Variants in PAK5 observed in about 807,000 individuals in gnomAD.
PAK5 encodes p21 (RAC1) activated kinase 5, also known as serine/threonine-protein kinase PAK 5.
PAK5 carries 16 observed loss-of-function variants against 65.9 expected under a neutral mutation model. The observed-to-expected ratio is 0.24, with a 90% CI of 0.16 to 0.37. PAK5 has a LOEUF of 0.37. PAK5 is among the 10% of genes least tolerant of loss of function. The pLI is 1.00. For missense variants in PAK5, 785 were observed against 903.9 expected (o/e 0.87, Z 1.69); for synonymous variants, 371 against 354.9 (o/e 1.05, Z -0.51).
intron 2 of PAK5, among the ~76,000 whole-genome samples, chr20:9,657,697 G>A (rs1422515849): frequency 3.9e-5 from 6 of 152,242 alleles, no homozygotes; most frequent in Non-Finnish European, 7.4e-5. Flanking sequence ...AGGCCTACTC[G>A]TGATACAGAT....
At chr20:9,669,524 T>C (rs1439558307) in intron 2 of PAK5, among the ~76,000 whole-genome samples, 2 of 152,136 alleles carry the variant, frequency 1.3e-5, no homozygotes, top group Non-Finnish European at 2.9e-5. Flanking sequence ...TTTGAGGTTT[T>C]TGTAGGAAAG....
intron 3 of PAK5, among the ~76,000 whole-genome samples, chr20:9,587,362 A>G (rs2046088640): frequency 6.6e-6 from 1 of 152,214 alleles, no homozygotes; most frequent in Non-Finnish European, 1.5e-5. Flanking sequence ...TACAATTGTT[A>G]CATAAATATT....
At chr20:9,708,740 C>G (rs143514078) in intron 2 of PAK5, among the ~76,000 whole-genome samples, 1 of 152,118 alleles carries the variant, frequency 6.6e-6, no homozygotes, top group African/African-American at 2.4e-5. Flanking sequence ...GGAGTCGACA[C>G]TCCACACCTC....
intron 1 of PAK5, among the ~76,000 whole-genome samples, chr20:9,817,576 G>GA (rs899623995): frequency 1.3e-5 from 2 of 152,116 alleles, no homozygotes; most frequent in African/African-American, 2.4e-5. Context: ...TTCAGATGGT[G>GA]AAAAAAATAT....
chr20:9,813,235 A>G (rs2123758684), intron 1 of PAK5, among the ~76,000 whole-genome samples: 1 of 152,286 alleles, frequency 6.6e-6, no homozygotes, highest in Non-Finnish European at 1.5e-5. Context: ...GAGATATAGG[A>G]GCTACGGGAA....
At chr20:9,742,086 C>T (rs981310149) in intron 1 of PAK5, among the ~76,000 whole-genome samples, 2 of 152,212 alleles carry the variant, frequency 1.3e-5, no homozygotes, top group Non-Finnish European at 1.5e-5. Context: ...AGGTCATGTG[C>T]TATCCAACCC....
intron 1 of PAK5, among the ~76,000 whole-genome samples, chr20:9,763,900 G>A (rs147830665): frequency 5.5e-4 from 84 of 152,082 alleles, no homozygotes; most frequent in African/African-American, 1.8e-3. Flanking sequence ...AAATATATGC[G>A]TATCCTTTTT....
intron 1 of PAK5, among the ~76,000 whole-genome samples, chr20:9,792,555 A>G (rs1421909739): frequency 6.6e-6 from 1 of 152,210 alleles, no homozygotes; most frequent in Non-Finnish European, 1.5e-5. Flanking sequence ...ACAGTAACTT[A>G]TGGCAGACAC....
intron 3 of PAK5, among the ~76,000 whole-genome samples, chr20:9,596,495 G>C (rs1477145529): frequency 6.6e-6 from 1 of 151,940 alleles, no homozygotes; most frequent in Non-Finnish European, 1.5e-5. Flanking sequence ...AATTAGCCGG[G>C]CGTGGTGGTG....
intron 1 of PAK5, among the ~76,000 whole-genome samples, chr20:9,805,422 C>T (rs183637252): frequency 1.8e-4 from 27 of 152,164 alleles, no homozygotes; most frequent in Non-Finnish European, 3.4e-4. Flanking sequence ...TTATACAAAG[C>T]GGTCATAGAA....
intron 1 of PAK5, among the ~76,000 whole-genome samples, chr20:9,808,348 G>A (rs1453768948): frequency 2.6e-5 from 4 of 152,194 alleles, no homozygotes; most frequent in East Asian, 3.9e-4. Context: ...CAGTTTGGCC[G>A]TTCCTCAACT....
At chr20:9,623,459 T>C (rs2046799429) in intron 3 of PAK5, among the ~76,000 whole-genome samples, 1 of 151,896 alleles carries the variant, frequency 6.6e-6, no homozygotes, top group Non-Finnish European at 1.5e-5. Context: ...AGGGAAGAAA[T>C]GAAATCAAGT....
chr20:9,547,192 C>T (rs1163331088), intron 7 of PAK5, among the ~76,000 whole-genome samples: 2 of 152,092 alleles, frequency 1.3e-5, no homozygotes, highest in African/African-American at 4.8e-5. Flanking sequence ...GCCACAACCA[C>T]CAGAAACCAG....
At chr20:9,669,278 T>C (rs2047460920) in intron 2 of PAK5, among the ~76,000 whole-genome samples, 1 of 152,166 alleles carries the variant, frequency 6.6e-6, no homozygotes, top group South Asian at 2.1e-4. Context: ...ATATATTTAC[T>C]TGCTAGTTTT....
intron 1 of PAK5, among the ~76,000 whole-genome samples, chr20:9,722,775 C>G (rs1411832548): frequency 6.6e-6 from 1 of 151,070 alleles, no homozygotes; most frequent in Non-Finnish European, 1.5e-5. Context: ...CTTGCTCTAT[C>G]GCCCAGGCTG....
chr20:9,687,184 C>T (rs767128633), intron 2 of PAK5, among the ~76,000 whole-genome samples: 13 of 152,272 alleles, frequency 8.5e-5, no homozygotes, highest in Non-Finnish European at 1.8e-4. Context: ...CAAGGCTGCC[C>T]ATACTGGCAG....
At chr20:9,594,069 A>G (rs2046222425) in intron 3 of PAK5, among the ~76,000 whole-genome samples, 1 of 152,192 alleles carries the variant, frequency 6.6e-6, no homozygotes, top group South Asian at 2.1e-4. Flanking sequence ...TTCCCAGACC[A>G]ATTACATCTC....
At chr20:9,556,865 T>G (rs2045515485) in intron 7 of PAK5, among the ~76,000 whole-genome samples, 1 of 152,152 alleles carries the variant, frequency 6.6e-6, no homozygotes, top group Admixed American at 6.5e-5. Flanking sequence ...GCATTTTGGC[T>G]CCTAGCTGAT....
intron 7 of PAK5, among the ~76,000 whole-genome samples, chr20:9,554,439 G>A (rs1353785169): frequency 6.6e-6 from 1 of 152,178 alleles, no homozygotes; most frequent in Non-Finnish European, 1.5e-5. Context: ...AGCCTGCCTG[G>A]ACTGACTACC....
Sources: gnomAD v4.1 joint callset for allele counts (sites outside exome capture counted in the v4.1 genomes callset) on GRCh38, gnomAD v4.1.1 for gene constraint, MANE v1.5 for transcripts, NCBI Gene and HGNC (gene_info 2026-07-23, HGNC 2026-07-21) for gene names.